Variants in RIMS1 observed in about 807,000 individuals in gnomAD.
The protein encoded by RIMS1 is regulating synaptic membrane exocytosis protein 1.
In RIMS1, 83 loss-of-function variants were observed where a neutral mutation model predicts 214.1. The observed-to-expected ratio is 0.39, with a 90% CI of 0.32 to 0.47. The LOEUF (loss-of-function observed/expected upper bound fraction) is 0.47, where lower values mean the gene tolerates loss of function less well. Ranked by LOEUF, RIMS1 falls within the 20% of genes least tolerant of loss-of-function variation. The pLI is 0.99. For synonymous variants in RIMS1, 793 were observed against 786.8 expected (o/e 1.01, Z -0.13); for missense variants, 2,050 against 2,161.8 (o/e 0.95, Z 1.03).
chr6:72,017,069 C>A (rs1813005427), intron 2 of RIMS1, among the ~76,000 whole-genome samples: 2 of 152,174 alleles, frequency 1.3e-5, no homozygotes, highest in South Asian at 4.1e-4. Flanking sequence ...CATATGCCAA[C>A]ACACCCTGTA....
chr6:72,203,926 T>G (rs999683485), intron 6 of RIMS1, among the ~76,000 whole-genome samples: 3 of 152,234 alleles, frequency 2.0e-5, no homozygotes, highest in African/African-American at 7.2e-5. Flanking sequence ...ATGAGAATTT[T>G]TTTTTGGTAT....
intron 19 of RIMS1, chr6:72,263,441 G>A (rs529931437): frequency 3.0e-5 from 29 of 973,450 alleles, no homozygotes; most frequent in African/African-American, 1.6e-4. Flanking sequence ...AGACTTAATC[G>A]AATTACCCAG....
intron 2 of RIMS1, among the ~76,000 whole-genome samples, chr6:72,012,311 G>C (rs1811004520): frequency 6.6e-6 from 1 of 151,924 alleles, no homozygotes; most frequent in Non-Finnish European, 1.5e-5. Context: ...AGGGGAACAT[G>C]ACACACTGGG....
chr6:72,092,230 G>A (rs181912999), intron 2 of RIMS1, among the ~76,000 whole-genome samples: 61 of 152,088 alleles, frequency 4.0e-4, no homozygotes, highest in Admixed American at 1.4e-3. Context: ...TTTTAAGGAC[G>A]TAGGAGTGAG....
intron 6 of RIMS1, among the ~76,000 whole-genome samples, chr6:72,231,937 G>C (rs985609777): frequency 9.9e-5 from 15 of 151,630 alleles, no homozygotes; most frequent in Non-Finnish European, 1.5e-5. Context: ...CGCCATATGA[G>C]AAATTGGGGC....
intron 2 of RIMS1, among the ~76,000 whole-genome samples, chr6:72,075,319 G>C (rs1454343727): frequency 6.6e-6 from 1 of 151,780 alleles, no homozygotes; most frequent in Non-Finnish European, 1.5e-5. Flanking sequence ...GTTTTTCCAG[G>C]CTGGTTTTGA....
chr6:72,055,961 G>T (rs1826044620), intron 2 of RIMS1, among the ~76,000 whole-genome samples: 1 of 152,056 alleles, frequency 6.6e-6, no homozygotes, highest in Admixed American at 6.6e-5. Context: ...ACACATGCAT[G>T]CATATGTTCA....
At chr6:71,957,158 A>G (rs1272502788) in intron 1 of RIMS1, among the ~76,000 whole-genome samples, 1 of 152,158 alleles carries the variant, frequency 6.6e-6, no homozygotes, top group Non-Finnish European at 1.5e-5. Context: ...AAACTTCTCT[A>G]GAGTAATTAG....
At chr6:71,909,939 G>A (rs376711670) in intron 1 of RIMS1, among the ~76,000 whole-genome samples, 5 of 152,228 alleles carry the variant, frequency 3.3e-5, no homozygotes, top group African/African-American at 1.2e-4. Flanking sequence ...AAAGCAGCCC[G>A]GATGAGGAGT....
intron 4 of RIMS1, among the ~76,000 whole-genome samples, chr6:72,140,894 AG>A (rs2042003559): frequency 6.6e-6 from 1 of 152,036 alleles, no homozygotes; most frequent in Non-Finnish European, 1.5e-5. Flanking sequence ...AGTTTTCCTA[AG>A]GGTTTGGGGT....
At chr6:71,999,013 C>A (rs117230730) in intron 2 of RIMS1, among the ~76,000 whole-genome samples, 1 of 152,054 alleles carries the variant, frequency 6.6e-6, no homozygotes, top group South Asian at 2.1e-4. Flanking sequence ...CTATGTAGGT[C>A]TTTTGCAATT....
intron 6 of RIMS1, among the ~76,000 whole-genome samples, chr6:72,213,880 A>G (rs1032667919): frequency 1.3e-5 from 2 of 152,236 alleles, no homozygotes; most frequent in African/African-American, 2.4e-5. Flanking sequence ...TCTTTGATAT[A>G]GCTGTGGAAT....
At chr6:72,365,989 C>T (rs1305545832) in intron 29 of RIMS1, among the ~76,000 whole-genome samples, 1 of 152,152 alleles carries the variant, frequency 6.6e-6, no homozygotes, top group East Asian at 1.9e-4. Context: ...ACTCTCTGAA[C>T]CTCTCATGCA....
In RIMS1 at chr6:72,402,128, A is replaced by G. The variant is rs1411110479; in HGVS notation, c.*1414A>G. ...CACAAATAGAGCAGCATGACTTGGAACTGTTCAGAGCTGCATGCACATTTT... is the reference window on the plus strand; with the variant it reads ...CACAAATAGAGCAGCATGACTTGGAGCTGTTCAGAGCTGCATGCACATTTT... On this transcript the variant is annotated 3_prime_UTR_variant, in exon 34 of 34. Transcript: ENST00000521978. The G allele has an allele frequency of 6.6e-6, 1 of 152,378 alleles. No homozygotes were observed. Among genetic ancestry groups the G allele is most frequent in the Non-Finnish European group, 1.5e-5 (1 of 68,012 alleles). The allele number at this position is 152,378 out of a possible 1,614,324, so 9.4% of individuals were successfully genotyped here.
intron 29 of RIMS1, among the ~76,000 whole-genome samples, chr6:72,380,861 G>A (rs2098474928): frequency 6.6e-6 from 1 of 152,010 alleles, no homozygotes. Flanking sequence ...AAGGCAACCT[G>A]AAAAACAAGT....
intron 4 of RIMS1, chr6:72,148,493 A>G (rs2043050478): frequency 2.5e-6 from 1 of 395,852 alleles, no homozygotes; most frequent in Admixed American, 2.5e-5. Flanking sequence ...ACGTAGCAGG[A>G]AGGCCTAGAG....
Position 72,294,954 on chromosome 6 carries a change from C to G in RIMS1, c.3850+2908C>G, listed in dbSNP as rs1275312779. Reference sequence around the variant, plus strand: ...TGATAATTGAAAGCAAAGACTTCCACAAAATTTTTCTGGTTATATTTCAAC... The same window carrying G: ...TGATAATTGAAAGCAAAGACTTCCAGAAAATTTTTCTGGTTATATTTCAAC... On this transcript the variant is annotated intron_variant, in intron 26 of 33. Coordinates refer to ENST00000521978, the MANE Select transcript of RIMS1 (RefSeq NM_014989.7). 2.6e-5 allele frequency among the ~76,000 whole-genome samples: 4 copies of G among 151,612 alleles called. No individual in the cohort carries two copies. In the South Asian group the frequency reaches 8.3e-4, roughly 31 times the overall value.
chr6:72,202,787 A>G (rs2052233508), intron 6 of RIMS1, among the ~76,000 whole-genome samples: 1 of 151,896 alleles, frequency 6.6e-6, no homozygotes, highest in Non-Finnish European at 1.5e-5. Flanking sequence ...GACATAAATA[A>G]GTTTTAGGCA....
chr6:72,339,661 C>T (rs1396165134), intron 29 of RIMS1, among the ~76,000 whole-genome samples: 1 of 152,066 alleles, frequency 6.6e-6, no homozygotes, highest in Non-Finnish European at 1.5e-5. Flanking sequence ...ATATGTGCCA[C>T]ATTTTCTTCA....
Sources: allele counts gnomAD v4.1 joint callset (sites outside exome capture counted in the v4.1 genomes callset), GRCh38; gene constraint gnomAD v4.1.1; transcripts MANE v1.5; gene names NCBI Gene and HGNC (gene_info 2026-07-23, HGNC 2026-07-21).